RBMS3: variants seen among roughly 807,000 people sequenced by gnomAD.
The protein encoded by RBMS3 is RNA binding motif single stranded interacting protein 3.
A neutral mutation model predicts 66.8 loss-of-function variants in RBMS3; 27 were observed. The ratio of observed to expected loss-of-function variants is 0.40; its 90% CI spans 0.30 to 0.56. The LOEUF (loss-of-function observed/expected upper bound fraction) is 0.56, where lower values mean the gene tolerates loss of function less well. RBMS3 is among the 20% of genes least tolerant of loss of function. The pLI, the probability that RBMS3 is intolerant of heterozygous loss-of-function variation, is 0.40. For missense variants in RBMS3, 513 were observed against 549.5 expected, an observed-to-expected ratio of 0.93 and a Z score of 0.66; for synonymous variants, 188 against 183.0, an observed-to-expected ratio of 1.03 and a Z score of -0.22.
At chr3:29,435,106 G>T in intron 2 of RBMS3, 191 bp downstream of exon 2, 1 of 618,008 alleles carries the variant, frequency 1.6e-6, no homozygotes, top group Non-Finnish European at 2.7e-6. Flanking sequence ...ACTTTTTGTT[G>T]TTGAGTGGAA....
chr3:29,287,213 A>T (rs1406914908), intron 1 of RBMS3, among the ~76,000 whole-genome samples: 1 of 152,150 alleles, frequency 6.6e-6, no homozygotes, highest in Non-Finnish European at 1.5e-5. Flanking sequence ...ATATAATACC[A>T]TTTTTAAAAT....
chr3:29,385,327 A>G (rs935474080), intron 1 of RBMS3, among the ~76,000 whole-genome samples: 1 of 151,722 alleles, frequency 6.6e-6, no homozygotes, highest in African/African-American at 2.4e-5. Context: ...AGATTTGTCC[A>G]CTCCCATTTC....
intron 12 of RBMS3, among the ~76,000 whole-genome samples, chr3:29,964,116 A>C (rs1696666347): frequency 6.6e-6 from 1 of 152,132 alleles, no homozygotes; most frequent in Admixed American, 6.6e-5. Context: ...CTTATTAAAA[A>C]CCCAGTTATA....
chr3:29,750,072 G>A (rs530626031), intron 5 of RBMS3, among the ~76,000 whole-genome samples: 1 of 152,218 alleles, frequency 6.6e-6, no homozygotes, highest in South Asian at 2.1e-4. Flanking sequence ...CAGTAATGTT[G>A]CAAACAAAAA....
chr3:29,500,920 T>G (rs2043943692), intron 3 of RBMS3, among the ~76,000 whole-genome samples: 1 of 152,104 alleles, frequency 6.6e-6, no homozygotes. Context: ...TTAAAAATTG[T>G]TATATAAAGA....
chr3:29,887,281 T>C (rs1429230480), intron 8 of RBMS3, among the ~76,000 whole-genome samples: 2 of 151,826 alleles, frequency 1.3e-5, no homozygotes, highest in Non-Finnish European at 2.9e-5. Flanking sequence ...GATGATGATA[T>C]GGTTAGGCTT....
intron 3 of RBMS3, among the ~76,000 whole-genome samples, chr3:29,507,049 AT>A (rs146542124): frequency 0.014 from 2,031 of 143,070 alleles, 48 homozygotes; most frequent in African/African-American, 0.05. Flanking sequence ...GACCTTTTCT[AT>A]TGTTTTTCTA....
At chr3:29,542,410 G>A (rs7617053) in intron 3 of RBMS3, among the ~76,000 whole-genome samples, 41,534 of 151,982 alleles carry the variant, frequency 0.27, 8,246 homozygotes, top group African/African-American at 0.56. Flanking sequence ...GCCTAGGCTG[G>A]AGTACAATGG....
At chr3:29,335,026 A>G (rs1353831193) in intron 1 of RBMS3, among the ~76,000 whole-genome samples, 1 of 152,154 alleles carries the variant, frequency 6.6e-6, no homozygotes, top group African/African-American at 2.4e-5. Flanking sequence ...TTATGTTTTA[A>G]TAGCAGGCAT....
intron 3 of RBMS3, among the ~76,000 whole-genome samples, chr3:29,509,925 A>C (rs1358689602): frequency 6.6e-6 from 1 of 152,240 alleles, no homozygotes; most frequent in Non-Finnish European, 1.5e-5. Flanking sequence ...CATGTCTAAA[A>C]GAATAAAATG....
chr3:29,728,159 G>T (rs1034236444), intron 4 of RBMS3, among the ~76,000 whole-genome samples: 1 of 148,264 alleles, frequency 6.7e-6, no homozygotes, highest in African/African-American at 2.5e-5. Context: ...TGAACCATGA[G>T]AAAACATGGA....
chr3:29,659,948 A>C (rs2050469926), intron 4 of RBMS3, among the ~76,000 whole-genome samples: 1 of 152,076 alleles, frequency 6.6e-6, no homozygotes, highest in East Asian at 1.9e-4. Context: ...GTGAAATCTT[A>C]GTTTTGATTT....
At chr3:29,875,433 A>G (rs1372616119) in intron 7 of RBMS3, among the ~76,000 whole-genome samples, 3 of 152,196 alleles carry the variant, frequency 2.0e-5, no homozygotes, top group Non-Finnish European at 4.4e-5. Context: ...ATCATTGACT[A>G]TAAGACACCA....
intron 1 of RBMS3, among the ~76,000 whole-genome samples, chr3:29,335,569 T>TA (rs1250872812): frequency 1.3e-5 from 2 of 152,186 alleles, no homozygotes; most frequent in Non-Finnish European, 2.9e-5. Flanking sequence ...AAGTTCCTGT[T>TA]ACAGAGTGGC....
rs183256103 is a variant in RBMS3, at chr3:29,458,044, C to A, written c.248+23129C>A. 4.6e-3 allele frequency among the ~76,000 whole-genome samples: 702 copies of A among 152,264 alleles called. 8 individuals are homozygous for A. Among genetic ancestry groups the A allele is most frequent in the African/African-American group, 0.016 (650 of 41,552 alleles). ...GCTCTTCCTGACTCAGAAATTTGAT[C>A]AGATAGCCTTCTGAATCTTTCACAT... is the stretch of plus-strand genomic sequence containing the variant. On this transcript the variant is annotated intron_variant, in intron 2 of 14. Transcript: ENST00000383767.
At chr3:29,637,653 C>T (rs1018170449) in intron 4 of RBMS3, among the ~76,000 whole-genome samples, 45 of 152,010 alleles carry the variant, frequency 3.0e-4, no homozygotes, top group African/African-American at 8.9e-4. Flanking sequence ...CTTGCATGTA[C>T]AGGCAGCTTA....
intron 4 of RBMS3, among the ~76,000 whole-genome samples, chr3:29,730,121 T>TG (rs1264959908): frequency 1.2e-4 from 18 of 152,050 alleles, no homozygotes; most frequent in African/African-American, 4.3e-4. Flanking sequence ...AATGGATAAT[T>TG]TTAGTACAAG....
chr3:29,346,623 C>T (rs982413715), intron 1 of RBMS3, among the ~76,000 whole-genome samples: 7 of 151,868 alleles, frequency 4.6e-5, no homozygotes, highest in African/African-American at 1.7e-4. Flanking sequence ...GGACTGGTCT[C>T]GAACTCCTGA....
chr3:29,360,311 A>G (rs2037497760), intron 1 of RBMS3, among the ~76,000 whole-genome samples: 1 of 151,858 alleles, frequency 6.6e-6, no homozygotes, highest in Non-Finnish European at 1.5e-5. Context: ...TGTACCCAGT[A>G]GTCATTCAGG....
Sources: gnomAD v4.1 joint callset for allele counts (sites outside exome capture counted in the v4.1 genomes callset) on GRCh38, gnomAD v4.1.1 for gene constraint, MANE v1.5 for transcripts, NCBI Gene and HGNC (gene_info 2026-07-23, HGNC 2026-07-21) for gene names.